The following TEAD1 variants were observed in gnomAD, a reference collection of about 807,000 sequenced individuals.
TEAD1 encodes the protein TEA domain transcription factor 1.
In TEAD1, 9 loss-of-function variants were observed where a neutral mutation model predicts 54.9. The ratio of observed to expected loss-of-function variants is 0.16; its 90% CI spans 0.10 to 0.29. TEAD1 has a LOEUF of 0.29. Ranked by LOEUF, TEAD1 falls within the 10% of genes least tolerant of loss-of-function variation. The probability of loss-of-function intolerance (pLI) is 1.00; values close to 1 mark genes in which losing one functional copy is unlikely to be tolerated. For missense variants in TEAD1, 387 were observed against 535.9 expected (o/e 0.72, Z 2.74); for synonymous variants, 200 against 187.8 (o/e 1.07, Z -0.53).
At chr11:12,781,969 AAAGAAAGAAAAAAAGAAAAAG>A (rs1342780868) in intron 3 of TEAD1, among the ~76,000 whole-genome samples, 32 of 134,932 alleles carry the variant, frequency 2.4e-4, no homozygotes, top group African/African-American at 9.8e-4. Flanking sequence ...AAAAAAAAAA[AAAGAAAGAAAAAAAGAAAAAG>A]AAAAAAAAAA....
intron 9 of TEAD1, among the ~76,000 whole-genome samples, chr11:12,894,194 A>G (rs561507332): frequency 6.6e-5 from 10 of 152,180 alleles, no homozygotes; most frequent in South Asian, 6.2e-4. Flanking sequence ...TCATTTTTCA[A>G]GGTTTCACTA....
intron 2 of TEAD1, among the ~76,000 whole-genome samples, chr11:12,746,236 A>G (rs2133899508): frequency 6.6e-6 from 1 of 152,372 alleles, no homozygotes; most frequent in African/African-American, 2.4e-5. Flanking sequence ...AGAAAAAATA[A>G]TGAATAAATG....
intron 3 of TEAD1, among the ~76,000 whole-genome samples, chr11:12,793,638 T>C (rs1386186399): frequency 6.6e-6 from 1 of 152,222 alleles, no homozygotes; most frequent in Non-Finnish European, 1.5e-5. Context: ...TGGCATTCCA[T>C]TCATTCAAAA....
chr11:12,894,277 T>G (rs1296195206), intron 9 of TEAD1, among the ~76,000 whole-genome samples: 1 of 152,162 alleles, frequency 6.6e-6, no homozygotes, highest in African/African-American at 2.4e-5. Flanking sequence ...GACGGTGCAG[T>G]GCAGGACCCG....
Position 12,942,943 on chromosome 11 carries a change from G to A in TEAD1, c.*5721G>A, listed in dbSNP as rs910623263. The A allele has an allele frequency of 6.6e-6, 1 of 152,154 alleles. No individual in the cohort carries two copies. The highest frequency in any genetic ancestry group is 2.4e-5 in the African/African-American group (1 of 41,428). The allele number at this position is 152,154 out of a possible 1,614,324, so 9.4% of individuals were successfully genotyped here. On this transcript the variant is annotated 3_prime_UTR_variant, in exon 13 of 13. Transcript: ENST00000527636. ...AATTGGGAAAGCTGATAGAGGTAAG[G>A]AAGACGAGTGAAAAGGACAAGAAGG...
chr11:12,803,689 C>G (rs1946110406), intron 3 of TEAD1, among the ~76,000 whole-genome samples: 1 of 152,200 alleles, frequency 6.6e-6, no homozygotes, highest in South Asian at 2.1e-4. Context: ...GGAAAGAAGA[C>G]TGCATTTCCT....
chr11:12,798,593 G>A lies in TEAD1; in HGVS notation c.202+34159G>A, dbSNP rs191366322. Reference sequence around the variant, plus strand: ...AAATGCATGAAGGAAGTTGGAACCCGTGGTGGGTATGTTTATTTAAATGTG... The same window carrying A: ...AAATGCATGAAGGAAGTTGGAACCCATGGTGGGTATGTTTATTTAAATGTG... On this transcript the variant is annotated intron_variant, in intron 3 of 12. Transcript: ENST00000527636. Among the ~76,000 whole-genome samples, 85 of 152,320 alleles carry A rather than the reference G, an allele frequency of 5.6e-4. 1 individual carries two copies. The highest frequency in any genetic ancestry group is 3.4e-3 in the Middle Eastern group (1 of 294).
intron 3 of TEAD1, among the ~76,000 whole-genome samples, chr11:12,817,205 C>T (rs914029548): frequency 6.6e-6 from 1 of 152,180 alleles, no homozygotes; most frequent in African/African-American, 2.4e-5. Flanking sequence ...TTGTAATAAA[C>T]TACTAATGTT....
intron 3 of TEAD1, among the ~76,000 whole-genome samples, chr11:12,767,098 A>C (rs1180974968): frequency 6.6e-6 from 1 of 152,148 alleles, no homozygotes; most frequent in Non-Finnish European, 1.5e-5. Flanking sequence ...GCCCTGGTTG[A>C]CTGGGAGCTG....
intron 2 of TEAD1, among the ~76,000 whole-genome samples, chr11:12,708,505 ATG>A (rs1943867228): frequency 6.6e-6 from 1 of 152,078 alleles, no homozygotes. Flanking sequence ...CAAATTTCAT[ATG>A]TGATTGGCAG....
intron 3 of TEAD1, among the ~76,000 whole-genome samples, chr11:12,859,385 C>T (rs1280130304): frequency 6.6e-6 from 1 of 150,936 alleles, no homozygotes; most frequent in Non-Finnish European, 1.5e-5. Flanking sequence ...TCTATTTCGC[C>T]TTGGCCGCTC....
chr11:12,826,925 C>A (rs1345797047), intron 3 of TEAD1, among the ~76,000 whole-genome samples: 1 of 152,188 alleles, frequency 6.6e-6, no homozygotes, highest in African/African-American at 2.4e-5. Context: ...CTTCTTGTCA[C>A]TTCAGACATG....
chr11:12,675,127 C>T (rs2133801793), intron 1 of TEAD1, among the ~76,000 whole-genome samples: 1 of 148,452 alleles, frequency 6.7e-6, no homozygotes, highest in East Asian at 2.0e-4. Context: ...GCCCCCCGCG[C>T]GCCCCCTCTC....
chr11:12,846,257 A>T (rs1215232905), intron 3 of TEAD1, among the ~76,000 whole-genome samples: 2 of 66,736 alleles, frequency 3.0e-5, no homozygotes, highest in Non-Finnish European at 5.8e-5. Flanking sequence ...CCCACCCCCC[A>T]GAGCCTCCAC....
At position 12,737,498 on chromosome 11, in the gene TEAD1, C is replaced by T. The variant is rs550247485; in HGVS notation, c.-54-26681C>T. Among the ~76,000 whole-genome samples, 4 of 152,214 alleles carry T rather than the reference C, an allele frequency of 2.6e-5. No homozygotes were observed. In the South Asian group the frequency reaches 8.3e-4, roughly 32 times the overall value. ...TGTGTGTCCTCTACTTACAACTGTC[C>T]CTTGTCATTTCAGCATTACCTGTTT... On this transcript the variant is annotated intron_variant, in intron 2 of 12. Coordinates refer to ENST00000527636, the MANE Select transcript of TEAD1 (RefSeq NM_021961.6).
chr11:12,803,616 C>T (rs140290853), intron 3 of TEAD1, among the ~76,000 whole-genome samples: 250 of 152,328 alleles, frequency 1.6e-3, no homozygotes, highest in African/African-American at 5.6e-3. Context: ...GTGTGGCTCT[C>T]CGTGCTGGGA....
rs1463874413 is a variant in TEAD1 at position 12,939,302 on chromosome 11, C to T, written c.*2080C>T. ...ACAGTGACTTCTGTTGAACACCCCT[C>T]TTAGGGATGTTTCTTTTGCTCTTAT... On this transcript the variant is annotated 3_prime_UTR_variant, in exon 13 of 13. Transcript: ENST00000527636. 1 of 152,296 alleles carries T rather than the reference C, an allele frequency of 6.6e-6. No homozygotes were observed. The highest frequency in any genetic ancestry group is 1.5e-5 in the Non-Finnish European group (1 of 68,106). The allele number at this position is 152,296 out of a possible 1,614,324, so 9.4% of individuals were successfully genotyped here.
intron 5 of TEAD1, chr11:12,865,602 G>C (rs1045462797): frequency 2.0e-5 from 3 of 151,952 alleles, no homozygotes; most frequent in African/African-American, 7.2e-5. Flanking sequence ...TTGTACTTGA[G>C]TTTGCTTAAA....
intron 2 of TEAD1, among the ~76,000 whole-genome samples, chr11:12,688,635 T>A (rs1349771929): frequency 6.6e-6 from 1 of 152,188 alleles, no homozygotes. Context: ...GGCTTGGAGG[T>A]CAGATCTTGG....
Sources: allele counts gnomAD v4.1 joint callset (sites outside exome capture counted in the v4.1 genomes callset), GRCh38; gene constraint gnomAD v4.1.1; transcripts MANE v1.5; gene names NCBI Gene and HGNC (gene_info 2026-07-23, HGNC 2026-07-21).